The following CDC27 variants were observed in gnomAD, a reference collection of about 807,000 sequenced individuals.
The protein encoded by CDC27 is cell division cycle 27, also known as cell division cycle protein 27 homolog.
CDC27 carries 27 observed loss-of-function variants against 109.7 expected under a neutral mutation model. That is an observed-to-expected ratio of 0.25 (90% confidence interval 0.18 to 0.34). CDC27 has a LOEUF of 0.34. Ranked by LOEUF, CDC27 falls within the 10% of genes least tolerant of loss-of-function variation. The probability of loss-of-function intolerance (pLI) is 1.00; values close to 1 mark genes in which losing one functional copy is unlikely to be tolerated. For missense variants in CDC27, 579 were observed against 960.2 expected, an observed-to-expected ratio of 0.60 and a Z score of 5.25; for synonymous variants, 266 against 333.9, an observed-to-expected ratio of 0.80 and a Z score of 2.22.
chr17:47,136,160 C>CA (rs950964505), intron 14 of CDC27, among the ~76,000 whole-genome samples: 23 of 146,512 alleles, frequency 1.6e-4, no homozygotes, highest in South Asian at 6.4e-4. Flanking sequence ...AACAAACAAA[C>CA]AAAAAAAAAA....
chr17:47,176,354 T>C (rs2064005821), intron 2 of CDC27, among the ~76,000 whole-genome samples: 1 of 152,234 alleles, frequency 6.6e-6, no homozygotes, highest in African/African-American at 2.4e-5. Context: ...AAATTTAGCA[T>C]ATGAATACTA....
chr17:47,173,468 G>T lies in CDC27; in HGVS notation c.104-1404C>A, dbSNP rs148851448. On this transcript the variant is annotated intron_variant, in intron 2 of 18. Coordinates refer to ENST00000066544, the MANE Select transcript of CDC27 (RefSeq NM_001256.6). Reference sequence around the variant, plus strand: ...CTAATTTACATAAGTTAGAAAGTTTGATTTCCTCTAGATTTTACAATGGTC... The same window carrying T: ...CTAATTTACATAAGTTAGAAAGTTTTATTTCCTCTAGATTTTACAATGGTC... 2.0e-5 allele frequency among the ~76,000 whole-genome samples: 3 copies of T among 151,556 alleles called. No individual in the cohort carries two copies. In the East Asian group the frequency reaches 5.8e-4, roughly 29 times the overall value.
chr17:47,121,741 CTTTT>C (rs35570204), intron 18 of CDC27, among the ~76,000 whole-genome samples: 1 of 144,798 alleles, frequency 6.9e-6, no homozygotes. Flanking sequence ...CATATATATA[CTTTT>C]TTTTTTTTTT....
At chr17:47,142,071 T>C (rs775547845) in intron 11 of CDC27, 46 bp from the exon 12 acceptor site, 5 of 1,391,704 alleles carry the variant, frequency 3.6e-6, no homozygotes, top group Admixed American at 4.8e-5. Flanking sequence ...CGCAATAAAC[T>C]AGTCTGCTTC....
chr17:47,155,692 G>A (rs535900704), intron 7 of CDC27, among the ~76,000 whole-genome samples: 60 of 152,014 alleles, frequency 3.9e-4, no homozygotes, highest in African/African-American at 1.4e-3. Context: ...AGTGGCTCAC[G>A]GTAATCCTAG....
At position 47,157,252 on chromosome 17, in the gene CDC27, G is replaced by A. The variant is rs201098929; in HGVS notation, c.608C>T (p.Thr203Met). The A allele has an allele frequency of 6.8e-6, 11 of 1,610,080 alleles. No individual in the cohort carries two copies. The highest frequency in any genetic ancestry group is 4.5e-5 in the East Asian group (2 of 44,830). Reference protein sequence around the residue: ...LSHRQPETVLTETPQDTIELN... With the variant: ...LSHRQPETVLMETPQDTIELN... ...TACAATTGTGTCCTGGGGTGTTTCC[G>A]TAAGAACTGTCTCAGGCTGTCTGTG... is the stretch of plus-strand genomic sequence containing the variant. The change falls in exon 6 of 19, where the codon ACG (threonine) becomes ATG (methionine). Residue 203 changes from threonine (T) to methionine (M), a missense_variant. Coordinates refer to ENST00000066544, the MANE Select transcript of CDC27 (RefSeq NM_001256.6).
At chr17:47,181,489 C>T in intron 2 of CDC27, 73 bp downstream of exon 2, 1 of 779,018 alleles carries the variant, frequency 1.3e-6, no homozygotes, top group Non-Finnish European at 2.2e-6. Context: ...AATCTTGTTA[C>T]AGTGATAAAA....
At chr17:47,184,291 GA>G (rs2064348469) in intron 1 of CDC27, among the ~76,000 whole-genome samples, 1 of 152,128 alleles carries the variant, frequency 6.6e-6, no homozygotes, top group South Asian at 2.1e-4. Context: ...TAAGCACTTG[GA>G]AAACCTTTTC....
In CDC27 at chr17:47,181,027, G is replaced by A. The variant is rs148462470; in HGVS notation, c.103+535C>T. Among the ~76,000 whole-genome samples, 270 of 149,300 alleles carry A rather than the reference G, an allele frequency of 1.8e-3. 1 individual carries two copies. The highest frequency in any genetic ancestry group is 4.9e-3 in the African/African-American group (199 of 40,612). ...AGCACTTTGGGAGGCCAAGGCAGGT[G>A]GATCACCTAAGCTCAGGAATTTGAG... On this transcript the variant is annotated intron_variant, in intron 2 of 18. Coordinates refer to ENST00000066544, the MANE Select transcript of CDC27 (RefSeq NM_001256.6).
At chr17:47,135,605 T>C (rs571212472) in intron 14 of CDC27, among the ~76,000 whole-genome samples, 133 of 152,342 alleles carry the variant, frequency 8.7e-4, no homozygotes, top group Middle Eastern at 6.8e-3. Context: ...GGCTATCTAT[T>C]TTGTACTTAG....
chr17:47,144,352 C>A (rs188577370), intron 9 of CDC27, among the ~76,000 whole-genome samples: 30 of 152,230 alleles, frequency 2.0e-4, no homozygotes, highest in African/African-American at 7.2e-4. Context: ...TTAATTTGAA[C>A]TAAAAATAAT....
At chr17:47,150,256 T>G (rs2063114776) in intron 9 of CDC27, among the ~76,000 whole-genome samples, 1 of 152,208 alleles carries the variant, frequency 6.6e-6, no homozygotes. Context: ...AAGGCAATAT[T>G]GAATTGTACC....
intron 6 of CDC27, 30 bp from the exon 7 acceptor site, chr17:47,157,154 CACAATATATTATTTAGT>C: frequency 6.5e-7 from 1 of 1,539,796 alleles, no homozygotes; most frequent in Non-Finnish European, 8.9e-7. Context: ...CCAAGTCATT[CACAATATATTATTTAGT>C]TCAGATCATT....
At chr17:47,133,114 TATA>T (rs1341497041) in intron 14 of CDC27, among the ~76,000 whole-genome samples, 16 of 74,122 alleles carry the variant, frequency 2.2e-4, no homozygotes, top group Non-Finnish European at 2.8e-4. Flanking sequence ...TACATATATA[TATA>T]TATATATATA....
chr17:47,160,916 A>T (rs971706207), intron 4 of CDC27, among the ~76,000 whole-genome samples: 2 of 152,234 alleles, frequency 1.3e-5, no homozygotes, highest in African/African-American at 4.8e-5. Flanking sequence ...CAGTTGAAGG[A>T]TATCTAGCTT....
intron 17 of CDC27, among the ~76,000 whole-genome samples, chr17:47,122,811 C>T (rs992839341): frequency 6.6e-6 from 1 of 152,090 alleles, no homozygotes; most frequent in African/African-American, 2.4e-5. Flanking sequence ...GTAGCTCGGA[C>T]TACAGGTGCC....
intron 13 of CDC27, among the ~76,000 whole-genome samples, chr17:47,138,320 C>T (rs2062685806): frequency 6.6e-6 from 1 of 152,094 alleles, no homozygotes; most frequent in African/African-American, 2.4e-5. Flanking sequence ...ACAAAAGTAT[C>T]ATTAAATATT....
intron 17 of CDC27, among the ~76,000 whole-genome samples, chr17:47,122,810 A>G (rs1342812504): frequency 6.6e-6 from 1 of 152,090 alleles, no homozygotes; most frequent in African/African-American, 2.4e-5. Context: ...AGTAGCTCGG[A>G]CTACAGGTGC....
At chr17:47,148,396 A>C (rs1312888945) in intron 9 of CDC27, among the ~76,000 whole-genome samples, 1 of 152,228 alleles carries the variant, frequency 6.6e-6, no homozygotes, top group African/African-American at 2.4e-5. Flanking sequence ...GAGAGGAGAA[A>C]GATTGGAAAC....
Sources: gnomAD v4.1 joint callset for allele counts (sites outside exome capture counted in the v4.1 genomes callset) on GRCh38, gnomAD v4.1.1 for gene constraint, MANE v1.5 for transcripts, NCBI Gene and HGNC (gene_info 2026-07-23, HGNC 2026-07-21) for gene names.